The following SYT1 variants were observed in gnomAD, a reference collection of about 807,000 sequenced individuals.
The protein encoded by SYT1 is synaptotagmin 1.
SYT1 carries 8 observed loss-of-function variants against 44.8 expected under a neutral mutation model. That is an observed-to-expected ratio of 0.18 (90% CI 0.10 to 0.32). The LOEUF (loss-of-function observed/expected upper bound fraction) is 0.32. Among genes scored for constraint, SYT1 ranks in the 10% least tolerant of loss-of-function variants. The pLI is 1.00. For missense variants in SYT1, 286 were observed against 509.3 expected, an observed-to-expected ratio of 0.56 and a Z score of 4.22; for synonymous variants, 154 against 188.8, an observed-to-expected ratio of 0.82 and a Z score of 1.51.
At chr12:79,410,152 C>T (rs559050301) in intron 9 of SYT1, among the ~76,000 whole-genome samples, 1 of 152,104 alleles carries the variant, frequency 6.6e-6, no homozygotes, top group African/African-American at 2.4e-5. Context: ...ACAAATTAGC[C>T]ACATGAAGAA....
chr12:78,908,998 A>C (rs1040731752), intron 1 of SYT1, among the ~76,000 whole-genome samples: 1 of 151,912 alleles, frequency 6.6e-6, no homozygotes, highest in Non-Finnish European at 1.5e-5. Flanking sequence ...CTGCAGGACA[A>C]AGAGGGCATG....
chr12:79,388,402 A>G (rs1381394370), intron 9 of SYT1, among the ~76,000 whole-genome samples: 1 of 152,172 alleles, frequency 6.6e-6, no homozygotes, highest in Non-Finnish European at 1.5e-5. Context: ...GTGTTTTCAA[A>G]TAAAATACTT....
chr12:79,286,030 TA>T, intron 5 of SYT1, 59 bp downstream of exon 5: 1 of 1,523,324 alleles, frequency 6.6e-7, no homozygotes, highest in Non-Finnish European at 8.8e-7. Context: ...ACAAATGTAT[TA>T]TTTTATGCCA....
rs75884003 is a variant in SYT1 at position 78,917,087 on chromosome 12, G to T, written c.-217+51978G>T. Among the ~76,000 whole-genome samples, 438 of 152,056 alleles carry T rather than the reference G, an allele frequency of 2.9e-3. 21 individuals carry two copies. In the East Asian group the frequency reaches 0.079, roughly 27 times the overall value. On this transcript the variant is annotated intron_variant, in intron 1 of 10. Transcript: ENST00000261205. ...GACCACAGGCATGCACCACCATGCA[G>T]AGCTATTTTTTTTATATTTTGTAGG...
intron 3 of SYT1, among the ~76,000 whole-genome samples, chr12:79,058,297 G>T (rs1012966022): frequency 1.3e-5 from 2 of 152,034 alleles, no homozygotes. Context: ...AATATTTTTA[G>T]CATTGGTTAT....
chr12:79,383,700 A>G (rs912427931), intron 9 of SYT1, among the ~76,000 whole-genome samples: 7 of 152,184 alleles, frequency 4.6e-5, no homozygotes, highest in African/African-American at 1.4e-4. Flanking sequence ...AAATTCTTTC[A>G]TCTTATAGGG....
At chr12:78,916,182 G>T (rs189850567) in intron 1 of SYT1, among the ~76,000 whole-genome samples, 164 of 152,162 alleles carry the variant, frequency 1.1e-3, no homozygotes, top group Non-Finnish European at 1.9e-3. Context: ...GAACCTGCCA[G>T]ACAGGCATTA....
intron 8 of SYT1, among the ~76,000 whole-genome samples, chr12:79,351,975 G>A (rs897011342): frequency 6.6e-6 from 1 of 152,070 alleles, no homozygotes; most frequent in African/African-American, 2.4e-5. Flanking sequence ...CAAAAACAGA[G>A]TTCTTGGTAA....
intron 1 of SYT1, among the ~76,000 whole-genome samples, chr12:78,957,651 T>TG (rs1879280936): frequency 1.3e-5 from 2 of 152,142 alleles, no homozygotes; most frequent in South Asian, 2.1e-4. Flanking sequence ...TGCATTTCTT[T>TG]GGGAGTCAAA....
chr12:79,363,095 G>C (rs1483755260), intron 9 of SYT1, among the ~76,000 whole-genome samples: 2 of 151,892 alleles, frequency 1.3e-5, no homozygotes, highest in Non-Finnish European at 2.9e-5. Flanking sequence ...CCTTCAGTTG[G>C]CCACTTCTAT....
chr12:79,056,348 A>G (rs945559266), intron 3 of SYT1, among the ~76,000 whole-genome samples: 1 of 152,070 alleles, frequency 6.6e-6, no homozygotes, highest in Admixed American at 6.6e-5. Flanking sequence ...GGAGGAGTCC[A>G]TCAGGAGCCC....
chr12:79,333,341 C>A (rs1438929157), intron 8 of SYT1, among the ~76,000 whole-genome samples: 4 of 152,062 alleles, frequency 2.6e-5, no homozygotes, highest in African/African-American at 9.7e-5. Context: ...GACTCTCATC[C>A]CATTCAGGAA....
At chr12:79,240,523 T>C (rs537846554) in intron 4 of SYT1, among the ~76,000 whole-genome samples, 1 of 152,236 alleles carries the variant, frequency 6.6e-6, no homozygotes. Flanking sequence ...TTATTCTCAG[T>C]CTAGTGAATC....
At chr12:78,899,293 G>A (rs1420227535) in intron 1 of SYT1, among the ~76,000 whole-genome samples, 2 of 151,602 alleles carry the variant, frequency 1.3e-5, no homozygotes, top group Admixed American at 1.3e-4. Flanking sequence ...AGTTAAGAGT[G>A]CAATGTAATA....
At chr12:79,337,852 A>G (rs1426778646) in intron 8 of SYT1, among the ~76,000 whole-genome samples, 1 of 152,176 alleles carries the variant, frequency 6.6e-6, no homozygotes, top group Non-Finnish European at 1.5e-5. Flanking sequence ...CCACACTTAC[A>G]TTTACATTTT....
intron 3 of SYT1, among the ~76,000 whole-genome samples, chr12:79,188,628 T>A (rs1167904233): frequency 1.3e-5 from 2 of 152,140 alleles, no homozygotes; most frequent in East Asian, 1.9e-4. Flanking sequence ...ATTTCACCTT[T>A]CTAGCTTCAC....
intron 1 of SYT1, among the ~76,000 whole-genome samples, chr12:78,874,911 C>T (rs1873988967): frequency 1.3e-5 from 2 of 151,634 alleles, no homozygotes; most frequent in Admixed American, 1.3e-4. Context: ...GTTTGGCTTC[C>T]TCACTTTTTA....
intron 4 of SYT1, among the ~76,000 whole-genome samples, chr12:79,247,388 A>C (rs1249188735): frequency 6.6e-6 from 1 of 152,194 alleles, no homozygotes; most frequent in Admixed American, 6.5e-5. Flanking sequence ...TGGACTTTAC[A>C]ATATTGTTTT....
intron 4 of SYT1, among the ~76,000 whole-genome samples, chr12:79,263,718 GT>G (rs1372890699): frequency 6.6e-6 from 1 of 152,002 alleles, no homozygotes; most frequent in Non-Finnish European, 1.5e-5. Flanking sequence ...CTTTTATTAA[GT>G]TTCATAGCTT....
Sources: allele counts gnomAD v4.1 joint callset (sites outside exome capture counted in the v4.1 genomes callset), GRCh38; gene constraint gnomAD v4.1.1; transcripts MANE v1.5; gene names NCBI Gene and HGNC (gene_info 2026-07-23, HGNC 2026-07-21).